The following PLXNA4 variants were observed in gnomAD, a reference collection of about 807,000 sequenced individuals.
PLXNA4 encodes the protein plexin A4.
Under a neutral mutation model 191.8 loss-of-function variants are expected in PLXNA4, and 44 were observed. That is an observed-to-expected ratio of 0.23 (90% CI 0.18 to 0.29). The LOEUF (loss-of-function observed/expected upper bound fraction) is 0.29. Among genes scored for constraint, PLXNA4 ranks in the 10% least tolerant of loss-of-function variants. The pLI is 1.00. For missense variants in PLXNA4, 1,800 were observed against 2,488.8 expected, an observed-to-expected ratio of 0.72 and a Z score of 5.89; for synonymous variants, 1,082 against 1,009.5, an observed-to-expected ratio of 1.07 and a Z score of -1.36.
At chr7:132,315,119 G>A (rs10232880) in intron 3 of PLXNA4, among the ~76,000 whole-genome samples, 17 of 152,210 alleles carry the variant, frequency 1.1e-4, no homozygotes, top group African/African-American at 3.9e-4. Flanking sequence ...AGTGAGCCAG[G>A]GGAGGATGTG....
intron 30 of PLXNA4, among the ~76,000 whole-genome samples, chr7:132,140,386 A>T (rs1795232782): frequency 6.6e-6 from 1 of 152,166 alleles, no homozygotes; most frequent in African/African-American, 2.4e-5. Flanking sequence ...AAGCTGAGCT[A>T]CCATGGCAAC....
At chr7:132,280,142 G>A (rs114221952) in intron 4 of PLXNA4, among the ~76,000 whole-genome samples, 2 of 152,178 alleles carry the variant, frequency 1.3e-5, no homozygotes, top group African/African-American at 4.8e-5. Context: ...TTGATTTCTC[G>A]ACCCACTAAT....
At chr7:132,208,069 G>A (rs560856937) in intron 10 of PLXNA4, among the ~76,000 whole-genome samples, 1 of 151,574 alleles carries the variant, frequency 6.6e-6, no homozygotes, top group Non-Finnish European at 1.5e-5. Context: ...CCTGTTTTCT[G>A]TAACTATGGT....
At chr7:132,355,467 G>T in intron 3 of PLXNA4, among the ~76,000 whole-genome samples, 1 of 152,176 alleles carries the variant, frequency 6.6e-6, no homozygotes. Flanking sequence ...AGCCCCACTG[G>T]CTGTGAGCAA....
At chr7:132,372,201 G>C (rs780889923) in intron 3 of PLXNA4, among the ~76,000 whole-genome samples, 1 of 152,146 alleles carries the variant, frequency 6.6e-6, no homozygotes, top group Non-Finnish European at 1.5e-5. Context: ...TTGAGCAAAG[G>C]TATCACCCCT....
At chr7:132,557,236 A>G (rs1800839795) in intron 1 of PLXNA4, among the ~76,000 whole-genome samples, 1 of 152,234 alleles carries the variant, frequency 6.6e-6, no homozygotes, top group African/African-American at 2.4e-5. Context: ...TACCTGCACC[A>G]TGAGAAGCAA....
At chr7:132,622,737 G>C (rs1803292757) in intron 2 of PLXNA4, among the ~76,000 whole-genome samples, 1 of 152,184 alleles carries the variant, frequency 6.6e-6, no homozygotes, top group South Asian at 2.1e-4. Context: ...ACTGCAGAGA[G>C]TCTAGATGCT....
chr7:132,489,456 T>C lies in PLXNA4; in HGVS notation c.1207A>G (p.Asn403Asp). ...GCATTCATGTCCAGGCCACAGAAGT[T>C]ATCGTCAATGGTTAAGAGCTGCAAA... ...CSSALLTIDDNFCGLDMNAPL... is the reference protein window; with the variant it reads ...CSSALLTIDDDFCGLDMNAPL... The change falls in exon 3 of 32, where the codon AAC becomes GAC. Residue 403 changes from asparagine to aspartate, a missense_variant. Asn to Asp is a conservative substitution (Grantham distance 23, BLOSUM62 1). Around this residue, in one of 6 missense-constraint regions of PLXNA4, gnomAD observed 1,397 missense variants for 1,880.4 expected, o/e 0.74. Coordinates refer to ENST00000321063, the MANE Select transcript of PLXNA4 (RefSeq NM_020911.2). 1 of 1,572,434 alleles carries C rather than the reference T, an allele frequency of 6.4e-7. No homozygotes were observed. The highest frequency in any genetic ancestry group is 8.7e-7 in the Non-Finnish European group (1 of 1,146,998).
intron 2 of PLXNA4, among the ~76,000 whole-genome samples, chr7:132,623,193 A>T (rs918357315): frequency 6.6e-6 from 1 of 152,044 alleles, no homozygotes; most frequent in African/African-American, 2.4e-5. Context: ...TAAAAATACA[A>T]AAATTAGCCG....
At chr7:132,411,633 T>C (rs1374799300) in intron 3 of PLXNA4, among the ~76,000 whole-genome samples, 1 of 152,188 alleles carries the variant, frequency 6.6e-6, no homozygotes, top group Non-Finnish European at 1.5e-5. Context: ...TGAGTCCAAA[T>C]TCCCTGTATA....
chr7:132,143,011 T>G (rs1795315013), intron 29 of PLXNA4, among the ~76,000 whole-genome samples: 1 of 152,104 alleles, frequency 6.6e-6, no homozygotes, highest in Non-Finnish European at 1.5e-5. Flanking sequence ...TTATTAACAT[T>G]AGTGGTGGCA....
chr7:132,322,707 C>T (rs1463959841), intron 3 of PLXNA4, among the ~76,000 whole-genome samples: 1 of 152,192 alleles, frequency 6.6e-6, no homozygotes, highest in Non-Finnish European at 1.5e-5. Flanking sequence ...ACACTCATCT[C>T]CTCTTAAGCA....
intron 9 of PLXNA4, among the ~76,000 whole-genome samples, chr7:132,214,388 G>C (rs899334159): frequency 6.6e-6 from 1 of 152,226 alleles, no homozygotes; most frequent in African/African-American, 2.4e-5. Flanking sequence ...AGCTCTGAGA[G>C]TAAGTTCATT....
At chr7:132,439,602 G>A (rs1270325515) in intron 3 of PLXNA4, among the ~76,000 whole-genome samples, 1 of 152,172 alleles carries the variant, frequency 6.6e-6, no homozygotes, top group Admixed American at 6.5e-5. Context: ...GTGGGAGAAG[G>A]AGGGGCATTT....
At chr7:132,361,557 G>T (rs1050827032) in intron 3 of PLXNA4, among the ~76,000 whole-genome samples, 2 of 152,068 alleles carry the variant, frequency 1.3e-5, no homozygotes, top group African/African-American at 2.4e-5. Context: ...TTTCTCTTTT[G>T]CTAAGAGAAT....
At chr7:132,500,288 CA>C (rs1798192639) in intron 2 of PLXNA4, among the ~76,000 whole-genome samples, 2 of 152,108 alleles carry the variant, frequency 1.3e-5, no homozygotes, top group African/African-American at 4.8e-5. Flanking sequence ...ACTAAAAATA[CA>C]AAAATTAGCT....
At chr7:132,218,520 A>G (rs1329241795) in intron 9 of PLXNA4, among the ~76,000 whole-genome samples, 1 of 152,230 alleles carries the variant, frequency 6.6e-6, no homozygotes, top group African/African-American at 2.4e-5. Context: ...AAAAACAGCA[A>G]AATAGTCCAT....
At chr7:132,410,389 A>G (rs896715547) in intron 3 of PLXNA4, among the ~76,000 whole-genome samples, 1 of 152,208 alleles carries the variant, frequency 6.6e-6, no homozygotes, top group Non-Finnish European at 1.5e-5. Context: ...GACTTCGCCC[A>G]TGAGGAGAAG....
chr7:132,567,153 C>A (rs746829909), intron 1 of PLXNA4, among the ~76,000 whole-genome samples: 45 of 152,276 alleles, frequency 3.0e-4, no homozygotes, highest in Middle Eastern at 6.8e-3. Flanking sequence ...GTCTTCTTCA[C>A]CTTTAATTCG....
Sources: gnomAD v4.1 joint callset for allele counts (sites outside exome capture counted in the v4.1 genomes callset) on GRCh38, gnomAD v4.1.1 for gene constraint, gnomAD v4.1.1 regional missense constraint, MANE v1.5 for transcripts, NCBI Gene and HGNC (gene_info 2026-07-23, HGNC 2026-07-21) for gene names.